CHST8: variants seen among roughly 807,000 people sequenced by gnomAD.
The protein encoded by CHST8 is carbohydrate sulfotransferase 8.
A neutral mutation model predicts 15.0 loss-of-function variants in CHST8; 10 were observed. That is an observed-to-expected ratio of 0.67 (90% CI 0.41 to 1.13). CHST8 has a LOEUF of 1.13. Ranked by LOEUF, CHST8 falls within the 50% of genes most tolerant of loss-of-function variation. The pLI is 0.00. For missense variants in CHST8, 634 were observed against 608.2 expected (o/e 1.04, Z -0.45); for synonymous variants, 259 against 256.6 (o/e 1.01, Z -0.09).
At chr19:33,687,063 T>TC (rs1306818986) in intron 2 of CHST8, among the ~76,000 whole-genome samples, 1 of 152,086 alleles carries the variant, frequency 6.6e-6, no homozygotes, top group African/African-American at 2.4e-5. Flanking sequence ...TGCCTGGGGC[T>TC]CCCCCGAGTG....
In CHST8 at chr19:33,772,291, G is replaced by C. The variant is rs542659604; in HGVS notation, c.503G>C (p.Arg168Pro). 8.4e-5 allele frequency: 134 copies of C among 1,602,170 alleles called. No individual in the cohort carries two copies. The highest frequency in any genetic ancestry group is 8.3e-4 in the Middle Eastern group (5 of 6,050). Reference sequence around the variant, plus strand: ...ATGCAGGAGGCCTGCGCCAAGTACCGGGCGAGCAGCAGCCGCCGGGCCGTC... The same window carrying C: ...ATGCAGGAGGCCTGCGCCAAGTACCCGGCGAGCAGCAGCCGCCGGGCCGTC... Reference protein sequence around the residue: ...RVMQEACAKYRASSSRRAVTP... With the variant: ...RVMQEACAKYPASSSRRAVTP... The change falls in exon 5 of 5, where the codon CGG becomes CCG. Residue 168 changes from arginine (R) to proline (P), a missense_variant. By Grantham distance (103) the Arg-to-Pro change is moderately radical. Coordinates refer to ENST00000650847, the MANE Select transcript of CHST8 (RefSeq NM_001127895.2).
chr19:33,752,355 T>C (rs1392877812), intron 3 of CHST8, among the ~76,000 whole-genome samples: 1 of 152,274 alleles, frequency 6.6e-6, no homozygotes, highest in Non-Finnish European at 1.5e-5. Flanking sequence ...TAGTCTTCTT[T>C]ATGCTGTGGA....
At chr19:33,650,786 CA>C (rs1343265323) in intron 1 of CHST8, among the ~76,000 whole-genome samples, 9 of 151,742 alleles carry the variant, frequency 5.9e-5, no homozygotes, top group African/African-American at 2.2e-4. Flanking sequence ...TGGCTCACTG[CA>C]AACCTTCGCC....
At chr19:33,645,647 G>T (rs1972344888) in intron 1 of CHST8, among the ~76,000 whole-genome samples, 1 of 152,164 alleles carries the variant, frequency 6.6e-6, no homozygotes, top group South Asian at 2.1e-4. Context: ...TTCGGTGAAG[G>T]ACATACAGGA....
chr19:33,720,485 T>C (rs1430966814), intron 3 of CHST8, among the ~76,000 whole-genome samples: 1 of 151,698 alleles, frequency 6.6e-6, no homozygotes, highest in African/African-American at 2.4e-5. Context: ...ACATACACAC[T>C]GCACACCACA....
At chr19:33,731,089 C>G (rs548911360) in intron 3 of CHST8, among the ~76,000 whole-genome samples, 1 of 152,310 alleles carries the variant, frequency 6.6e-6, no homozygotes, top group South Asian at 2.1e-4. Flanking sequence ...ATGTTAAAGT[C>G]CTTTGGCAAC....
chr19:33,697,016 T>C (rs1255214692), intron 3 of CHST8, among the ~76,000 whole-genome samples: 1 of 151,954 alleles, frequency 6.6e-6, no homozygotes, highest in Non-Finnish European at 1.5e-5. Flanking sequence ...CTAAATTTTT[T>C]GTATTTTTAG....
intron 1 of CHST8, among the ~76,000 whole-genome samples, chr19:33,659,127 A>G (rs1478800546): frequency 7.9e-6 from 1 of 127,366 alleles, no homozygotes; most frequent in African/African-American, 3.1e-5. Flanking sequence ...GTGCAGTGGC[A>G]CAATCTCGGC....
chr19:33,769,691 G>A (rs1003457574), intron 3 of CHST8, among the ~76,000 whole-genome samples: 12 of 151,924 alleles, frequency 7.9e-5, no homozygotes, highest in African/African-American at 2.9e-4. Context: ...TCCTCTCTCA[G>A]GCCAGGCACC....
At chr19:33,741,611 T>C (rs1316653054) in intron 3 of CHST8, among the ~76,000 whole-genome samples, 1 of 152,162 alleles carries the variant, frequency 6.6e-6, no homozygotes, top group South Asian at 2.1e-4. Context: ...GGGACTTGCG[T>C]GTCTTTTGTA....
intron 3 of CHST8, among the ~76,000 whole-genome samples, chr19:33,726,314 A>G (rs971121933): frequency 1.3e-5 from 2 of 152,122 alleles, no homozygotes; most frequent in African/African-American, 4.8e-5. Context: ...TAATCCCAGC[A>G]CTGTGGGAAG....
intron 3 of CHST8, among the ~76,000 whole-genome samples, chr19:33,712,320 T>C (rs1418917721): frequency 6.6e-6 from 1 of 152,154 alleles, no homozygotes; most frequent in African/African-American, 2.4e-5. Flanking sequence ...TTATTTGTTA[T>C]TATGCCCAAG....
chr19:33,676,842 A>G (rs1223667789), intron 2 of CHST8, among the ~76,000 whole-genome samples: 1 of 151,490 alleles, frequency 6.6e-6, no homozygotes, highest in African/African-American at 2.4e-5. Flanking sequence ...ATACCACTGC[A>G]CTCCAGCCCA....
chr19:33,644,670 G>A (rs964586683), intron 1 of CHST8, among the ~76,000 whole-genome samples: 5 of 152,190 alleles, frequency 3.3e-5, no homozygotes, highest in South Asian at 2.1e-4. Flanking sequence ...GATTCCAGGA[G>A]GTGGAGGCTG....
At chr19:33,762,020 C>A (rs1330672713) in intron 3 of CHST8, among the ~76,000 whole-genome samples, 1 of 152,234 alleles carries the variant, frequency 6.6e-6, no homozygotes, top group Non-Finnish European at 1.5e-5. Flanking sequence ...GGCACCTGTG[C>A]AGCACAAATG....
intron 3 of CHST8, among the ~76,000 whole-genome samples, chr19:33,715,224 C>A (rs529685458): frequency 1.3e-5 from 2 of 152,188 alleles, no homozygotes; most frequent in East Asian, 1.9e-4. Flanking sequence ...AGGTCATGGA[C>A]GTGTGTGAAT....
intron 3 of CHST8, among the ~76,000 whole-genome samples, chr19:33,715,594 C>T (rs1259600348): frequency 6.6e-6 from 1 of 152,222 alleles, no homozygotes; most frequent in African/African-American, 2.4e-5. Context: ...TCTGCTCAGG[C>T]AGGAGGTGAC....
intron 1 of CHST8, among the ~76,000 whole-genome samples, chr19:33,645,467 G>A (rs934199564): frequency 1.3e-5 from 2 of 152,174 alleles, no homozygotes; most frequent in African/African-American, 4.8e-5. Context: ...TGAGCAGATG[G>A]GTTGATTCTA....
intron 3 of CHST8, among the ~76,000 whole-genome samples, chr19:33,765,791 G>A (rs1974828145): frequency 6.6e-6 from 1 of 151,982 alleles, no homozygotes; most frequent in South Asian, 2.1e-4. Flanking sequence ...GATCTCTTGT[G>A]GTCTCGCGAT....
Sources: gnomAD v4.1 joint callset for allele counts (sites outside exome capture counted in the v4.1 genomes callset) on GRCh38, gnomAD v4.1.1 for gene constraint, MANE v1.5 for transcripts, NCBI Gene and HGNC (gene_info 2026-07-23, HGNC 2026-07-21) for gene names.